RHOU: variants seen among roughly 807,000 people sequenced by gnomAD.
The protein encoded by RHOU is ras homolog family member U.
In RHOU, 8 loss-of-function variants were observed where a neutral mutation model predicts 12.6. The observed-to-expected ratio is 0.64, with a 90% CI of 0.37 to 1.15. The LOEUF is 1.15. RHOU is among the 50% of genes most tolerant of loss of function. The probability of loss-of-function intolerance (pLI) is 0.01; values close to 1 mark genes in which losing one functional copy is unlikely to be tolerated. For synonymous variants in RHOU, 161 were observed against 147.4 expected (o/e 1.09, Z -0.67); for missense variants, 258 against 347.0 (o/e 0.74, Z 2.04).
At chr1:228,735,274 C>T (rs1662571222), upstream of RHOU, 1 of 152,162 alleles carries the variant, frequency 6.6e-6, no homozygotes, top group South Asian at 2.1e-4. This position sits in a 1 kb window ranked among gnomAD's most constrained non-coding sequence, Gnocchi z 8.1. Context: ...TGTTCCAGGT[C>T]CTCCCGCGCC....
chr1:228,706,903 C>T, the RHOU span, among the ~76,000 whole-genome samples: 3 of 151,052 alleles, frequency 2.0e-5, no homozygotes, highest in East Asian at 3.9e-4. Flanking sequence ...AATGGTTTAG[C>T]TTCTTTTCAA....
Position 228,745,678 on chromosome 1 carries a change from T to G in RHOU, c.*1938T>G, listed in dbSNP as rs1212295384. 1 of 152,224 alleles carries G rather than the reference T, an allele frequency of 6.6e-6. No individual in the cohort carries two copies. Among genetic ancestry groups the G allele is most frequent in the Non-Finnish European group, 1.5e-5 (1 of 68,046 alleles). 9.4% of individuals were successfully genotyped at this position (152,224 alleles called of 1,614,324 possible). A position where few individuals can be genotyped will look rare whatever the true frequency, so the allele number is the denominator to read the frequency against. On this transcript the variant is annotated 3_prime_UTR_variant, in exon 3 of 3. Coordinates refer to ENST00000366691, the MANE Select transcript of RHOU (RefSeq NM_021205.6). ...AAATGATTTGTGGAAATGCTTAAAA[T>G]AGACCTAACTGAATACAGTCTCATC...
chr1:228,700,063 G>A, the RHOU span, among the ~76,000 whole-genome samples: 3 of 152,106 alleles, frequency 2.0e-5, no homozygotes, highest in Non-Finnish European at 4.4e-5. Context: ...AATGAGTCAT[G>A]GATATAGAGC....
chr1:228,733,271 T>C (rs1274372550), upstream of RHOU, among the ~76,000 whole-genome samples: 3 of 152,212 alleles, frequency 2.0e-5, no homozygotes, highest in African/African-American at 4.8e-5. Context: ...TCAGGTTTAG[T>C]AGAGAGAACC....
the RHOU span, among the ~76,000 whole-genome samples, chr1:228,674,362 T>C: frequency 6.6e-6 from 1 of 151,636 alleles, no homozygotes; most frequent in African/African-American, 2.4e-5. Flanking sequence ...TTTTTTTTTT[T>C]TGAGAGGGAG....
At chr1:228,650,332 T>C in the RHOU span, 1 of 464,866 alleles carries the variant, frequency 2.2e-6, no homozygotes, top group Non-Finnish European at 4.3e-6. Context: ...CTGCCGGCCC[T>C]ACCTGGCCTT....
At chr1:228,704,240 A>G in the RHOU span, among the ~76,000 whole-genome samples, 1 of 152,146 alleles carries the variant, frequency 6.6e-6, no homozygotes, top group Non-Finnish European at 1.5e-5. Flanking sequence ...CTGATGTCTC[A>G]TGTCTCCCTA....
Position 228,743,825 on chromosome 1 carries a change from T to C in RHOU, c.*85T>C. 1 of 1,134,320 alleles carries C rather than the reference T, an allele frequency of 8.8e-7. No individual in the cohort carries two copies. The highest frequency in any genetic ancestry group is 1.3e-6 in the Non-Finnish European group (1 of 791,116). The allele number at this position is 1,134,320 out of a possible 1,614,324, so 70.3% of individuals were successfully genotyped here. On this transcript the variant is annotated 3_prime_UTR_variant, in exon 3 of 3. Transcript: ENST00000366691. The surrounding 1 kb of genome is among the most constrained non-coding windows in gnomAD (Gnocchi z 5.1). ...AGCTGAAACAACTCCTTTTACTGCGTAGAACCTATATCGAGAGTGTGTGTA... is the reference window on the plus strand; with the variant it reads ...AGCTGAAACAACTCCTTTTACTGCGCAGAACCTATATCGAGAGTGTGTGTA...
chr1:228,650,527 A>G, the RHOU span: 1 of 456,792 alleles, frequency 2.2e-6, no homozygotes, highest in South Asian at 1.5e-5. Flanking sequence ...CCACGGGCAG[A>G]AGCTGTGCGA....
At chr1:228,729,461 A>G in the RHOU span, among the ~76,000 whole-genome samples, 37 of 152,210 alleles carry the variant, frequency 2.4e-4, no homozygotes, top group African/African-American at 8.7e-4. Flanking sequence ...GTGTTCACTC[A>G]TAGAAATGCA....
upstream of RHOU, among the ~76,000 whole-genome samples, chr1:228,733,904 T>C (rs932483518): frequency 2.0e-5 from 3 of 152,216 alleles, no homozygotes; most frequent in Non-Finnish European, 4.4e-5. Flanking sequence ...AAACTTAACA[T>C]TGGCACTTGC....
chr1:228,681,600 C>T, the RHOU span, among the ~76,000 whole-genome samples: 1 of 151,864 alleles, frequency 6.6e-6, no homozygotes, highest in Admixed American at 6.6e-5. Context: ...CTTTTTTCGA[C>T]AAAAAGTATC....
the RHOU span, among the ~76,000 whole-genome samples, chr1:228,722,493 A>G: frequency 7.6e-3 from 1,161 of 152,252 alleles, 21 homozygotes; most frequent in African/African-American, 0.026. Flanking sequence ...GACATCTCCC[A>G]GGCAACTCAA....
At chr1:228,698,105 G>T in the RHOU span, among the ~76,000 whole-genome samples, 1 of 152,146 alleles carries the variant, frequency 6.6e-6, no homozygotes, top group Non-Finnish European at 1.5e-5. Context: ...CAGTTTTACA[G>T]ATCATGCATT....
the RHOU span, chr1:228,650,034 C>T: frequency 2.7e-6 from 1 of 370,408 alleles, no homozygotes; most frequent in East Asian, 8.7e-5. Flanking sequence ...TTTTGTTATC[C>T]ACAGTTATTG....
chr1:228,647,047 G>A, the RHOU span, among the ~76,000 whole-genome samples: 2 of 152,152 alleles, frequency 1.3e-5, no homozygotes, highest in African/African-American at 4.8e-5. Context: ...GGAGGAGGGA[G>A]CTAGAGAGCG....
the RHOU span, among the ~76,000 whole-genome samples, chr1:228,681,806 G>T: frequency 6.6e-6 from 1 of 152,098 alleles, no homozygotes; most frequent in African/African-American, 2.4e-5. Context: ...AGGGTGGAAG[G>T]TTGCCCATAG....
the RHOU span, among the ~76,000 whole-genome samples, chr1:228,708,050 G>A: frequency 6.6e-6 from 1 of 152,156 alleles, no homozygotes. Context: ...CTGGAAGAAA[G>A]GGTATAAGTG....
At chr1:228,710,135 C>A in the RHOU span, among the ~76,000 whole-genome samples, 2 of 152,100 alleles carry the variant, frequency 1.3e-5, no homozygotes, top group East Asian at 3.8e-4. Flanking sequence ...CTGAATAGAC[C>A]AATAATAGGA....
Sources: gnomAD v4.1 joint callset for allele counts (sites outside exome capture counted in the v4.1 genomes callset) on GRCh38, gnomAD v4.1.1 for gene constraint, Gnocchi (gnomAD v3.1) non-coding constraint, MANE v1.5 for transcripts, NCBI Gene and HGNC (gene_info 2026-07-23, HGNC 2026-07-21) for gene names.